TMPRSS11F: variants seen among roughly 807,000 people sequenced by gnomAD.
TMPRSS11F encodes the protein transmembrane serine protease 11F.
A neutral mutation model predicts 60.2 loss-of-function variants in TMPRSS11F; 47 were observed. The observed-to-expected ratio is 0.78, with a 90% CI of 0.62 to 1.00. The LOEUF is 1.00. Among genes scored for constraint, TMPRSS11F ranks in the 50% least tolerant of loss-of-function variants. The pLI is 0.00. For missense variants in TMPRSS11F, 519 were observed against 522.9 expected (o/e 0.99, Z 0.07); for synonymous variants, 166 against 167.3 (o/e 0.99, Z 0.06).
Position 68,072,358 on chromosome 4 carries a change from GACA to G in TMPRSS11F, c.476_478del (p.Leu159del). ...AAATGATGGTTTGTTTATGGTCAAA[GACA>G]ATTGTTTGGTCTTCAAACTTTGATA... On this transcript the variant is annotated inframe_deletion, in exon 5 of 10. Coordinates refer to ENST00000356291, the MANE Select transcript of TMPRSS11F (RefSeq NM_207407.2). 1 of 1,602,222 alleles carries G rather than the reference GACA, an allele frequency of 6.2e-7. No homozygotes were observed. Among genetic ancestry groups the G allele is most frequent in the Non-Finnish European group, 8.5e-7 (1 of 1,173,746 alleles).
chr4:68,064,544 A>G, intron 8 of TMPRSS11F, 141 bp downstream of exon 8: 1 of 949,028 alleles, frequency 1.1e-6, no homozygotes, highest in Non-Finnish European at 1.5e-6. Flanking sequence ...TTTAACCCAC[A>G]GTCTCCTGTT....
chr4:68,082,798 T>A (rs1458806174), intron 3 of TMPRSS11F, among the ~76,000 whole-genome samples: 1 of 152,184 alleles, frequency 6.6e-6, no homozygotes, highest in Non-Finnish European at 1.5e-5. Flanking sequence ...GAGACATGGA[T>A]TGATGGGCTG....
At position 68,098,879 on chromosome 4, in the gene TMPRSS11F, A is replaced by C; in HGVS notation, c.163+8T>G. The C allele has an allele frequency of 1.2e-6, 2 of 1,607,384 alleles. No individual in the cohort carries two copies. Among genetic ancestry groups the C allele is most frequent in the South Asian group, 2.2e-5 (2 of 89,772 alleles). On this transcript the variant is annotated splice_region_variant and intron_variant, in intron 2 of 9. Transcript: ENST00000356291. ...CTTAGGCAATGGAACTGTGACCTGGATACTTACCCTCAACAACAAAATGAG... is the reference window on the plus strand; with the variant it reads ...CTTAGGCAATGGAACTGTGACCTGGCTACTTACCCTCAACAACAAAATGAG...
chr4:68,060,021 G>C (rs1420763682), intron 8 of TMPRSS11F, among the ~76,000 whole-genome samples: 1 of 152,072 alleles, frequency 6.6e-6, no homozygotes, highest in Admixed American at 6.5e-5. Flanking sequence ...TAGGAGGAGA[G>C]GATACTGCAC....
chr4:68,117,755 A>G (rs1277313143), intron 1 of TMPRSS11F, among the ~76,000 whole-genome samples: 4 of 152,140 alleles, frequency 2.6e-5, no homozygotes, highest in African/African-American at 7.2e-5. Flanking sequence ...ATTAATTACC[A>G]TTGATACTTC....
At chr4:68,125,265 T>A (rs894981025) in intron 1 of TMPRSS11F, among the ~76,000 whole-genome samples, 5 of 151,896 alleles carry the variant, frequency 3.3e-5, no homozygotes, top group African/African-American at 2.4e-5. Context: ...CATCACCTGA[T>A]AATAATGCTA....
chr4:68,058,210 AAG>A (rs1723086236), intron 9 of TMPRSS11F, among the ~76,000 whole-genome samples: 1 of 152,194 alleles, frequency 6.6e-6, no homozygotes, highest in Admixed American at 6.5e-5. Context: ...CAAAATAGCT[AAG>A]AGAGTAAATT....
rs191214495 is a variant in TMPRSS11F at position 68,117,206 on chromosome 4, G to A, written c.11+12604C>T. Among the ~76,000 whole-genome samples, 570 of 152,102 alleles carry A rather than the reference G, an allele frequency of 3.7e-3. 16 individuals are homozygous for A. Among genetic ancestry groups the A allele is most frequent in the Admixed American group, 0.034 (519 of 15,282 alleles). On this transcript the variant is annotated intron_variant, in intron 1 of 9. Coordinates refer to ENST00000356291, the MANE Select transcript of TMPRSS11F (RefSeq NM_207407.2). ...AAATTGGCCAGGCGCGGTGGCTCAC[G>A]CTTGTAATCTCAGCACTTTGGGAGG...
chr4:68,083,759 C>A (rs1212080598), intron 3 of TMPRSS11F, among the ~76,000 whole-genome samples: 1 of 152,132 alleles, frequency 6.6e-6, no homozygotes, highest in Non-Finnish European at 1.5e-5. Context: ...AGAACTCTGG[C>A]AATTCAAAAA....
At chr4:68,101,885 G>A (rs962552124) in intron 1 of TMPRSS11F, among the ~76,000 whole-genome samples, 2 of 151,990 alleles carry the variant, frequency 1.3e-5, no homozygotes, top group East Asian at 1.9e-4. Flanking sequence ...ATCCTACATA[G>A]AATACAATTT....
rs199754123 is a variant in TMPRSS11F at position 68,061,897 on chromosome 4, TA to T, written c.1016-2430del. Reference sequence around the variant, plus strand: ...CAGAAGCAAATGAAAAATGAACTTTTAAAAAAAAATTAACATATTAAAAACA... The same window carrying T: ...CAGAAGCAAATGAAAAATGAACTTTTAAAAAAAATTAACATATTAAAAACA... On this transcript the variant is annotated intron_variant, in intron 8 of 9. Coordinates refer to ENST00000356291, the MANE Select transcript of TMPRSS11F (RefSeq NM_207407.2). 1,714 of 420,192 alleles carry T rather than the reference TA, an allele frequency of 4.1e-3. 28 individuals carry two copies. Among genetic ancestry groups the T allele is most frequent in the African/African-American group, 0.031 (1,508 of 48,180 alleles). The allele number at this position is 420,192 out of a possible 1,614,324, so 26.0% of individuals were successfully genotyped here. A position where few individuals can be genotyped will look rare whatever the true frequency, so the allele number is the denominator to read the frequency against.
chr4:68,061,625 T>G (rs1222186779), intron 8 of TMPRSS11F, among the ~76,000 whole-genome samples: 1 of 152,244 alleles, frequency 6.6e-6, no homozygotes, highest in Non-Finnish European at 1.5e-5. Flanking sequence ...TTTTTCATTT[T>G]CTACAGCTTA....
Position 68,078,254 on chromosome 4 carries a change from CTG to C in TMPRSS11F, c.283-4247_283-4246del, listed in dbSNP as rs200462885. On this transcript the variant is annotated intron_variant, in intron 3 of 9. Coordinates refer to ENST00000356291, the MANE Select transcript of TMPRSS11F (RefSeq NM_207407.2). Reference sequence around the variant, plus strand: ...AGTAGGCTGGTTCACACCTCTGTGACTGTGTACATTCATTTTCCTCTTCCTAC... The same window carrying C: ...AGTAGGCTGGTTCACACCTCTGTGACTGTACATTCATTTTCCTCTTCCTAC... 1.7e-3 allele frequency among the ~76,000 whole-genome samples: 255 copies of C among 152,300 alleles called. 2 individuals are homozygous for C. Among genetic ancestry groups the C allele is most frequent in the African/African-American group, 6.0e-3 (249 of 41,558 alleles).
chr4:68,054,012 C>A lies in TMPRSS11F; in HGVS notation c.1214G>T (p.Gly405Val), dbSNP rs1221900809. 2 of 1,613,376 alleles carry A rather than the reference C, an allele frequency of 1.2e-6. No individual in the cohort carries two copies. Among genetic ancestry groups the A allele is most frequent in the East Asian group, 4.5e-5 (2 of 44,862 alleles). The change falls in exon 10 of 10, where the codon GGT (glycine) becomes GTT (valine). Residue 405 changes from glycine (G) to valine (V), a missense_variant. By Grantham distance (109) the Gly-to-Val change is moderately radical. Transcript: ENST00000356291. ...YDNHDIWYIV[G>V]IVSWGQSCAL... is the part of the protein sequence containing the mutation. ...ACATGATTGTCCCCAACTTACTATA[C>A]CTACAATGTACCAGATGTCATGATT...
intron 3 of TMPRSS11F, among the ~76,000 whole-genome samples, chr4:68,088,840 C>T (rs1723869041): frequency 6.6e-6 from 1 of 152,030 alleles, no homozygotes; most frequent in Non-Finnish European, 1.5e-5. Context: ...AGGAATATAT[C>T]TAATCGAAGA....
At chr4:68,074,057 TA>T (rs1246537947) in intron 3 of TMPRSS11F, 48 bp from the exon 4 acceptor site, 1 of 1,176,408 alleles carries the variant, frequency 8.5e-7, no homozygotes, top group Non-Finnish European at 1.2e-6. Context: ...AAAAGTAAAA[TA>T]AAAAAATAAT....
chr4:68,056,491 G>A (rs145670491), intron 9 of TMPRSS11F, among the ~76,000 whole-genome samples: 4 of 149,672 alleles, frequency 2.7e-5, no homozygotes, highest in East Asian at 1.9e-4. Context: ...AGAGGTGAAC[G>A]CTTTGTATAC....
intron 1 of TMPRSS11F, among the ~76,000 whole-genome samples, chr4:68,107,256 T>A (rs942521160): frequency 2.0e-5 from 3 of 152,212 alleles, no homozygotes; most frequent in Admixed American, 6.5e-5. Context: ...TTAGTTACTA[T>A]GGATATGGCC....
At chr4:68,076,572 G>A (rs1372241357) in intron 3 of TMPRSS11F, among the ~76,000 whole-genome samples, 1 of 152,140 alleles carries the variant, frequency 6.6e-6, no homozygotes, top group African/African-American at 2.4e-5. Context: ...ACCTGTGCCT[G>A]CTCTGCAACT....
Sources: allele counts gnomAD v4.1 joint callset (sites outside exome capture counted in the v4.1 genomes callset), GRCh38; gene constraint gnomAD v4.1.1; transcripts MANE v1.5; gene names NCBI Gene and HGNC (gene_info 2026-07-23, HGNC 2026-07-21).